Variants in ARID4B observed in about 807,000 individuals in gnomAD.
ARID4B encodes the protein AT-rich interactive domain-containing protein 4B.
In ARID4B, 26 loss-of-function variants were observed where a neutral mutation model predicts 147.5. The ratio of observed to expected loss-of-function variants is 0.18; its 90% CI spans 0.13 to 0.24. The LOEUF is 0.24. Ranked by LOEUF, ARID4B falls within the 10% of genes least tolerant of loss-of-function variation. The pLI, the probability that ARID4B is intolerant of heterozygous loss-of-function variation, is 1.00. For synonymous variants in ARID4B, 512 were observed against 507.9 expected (o/e 1.01, Z -0.11); for missense variants, 1,179 against 1,511.5 (o/e 0.78, Z 3.65).
intron 19 of ARID4B, among the ~76,000 whole-genome samples, chr1:235,193,489 T>G (rs1388514666): frequency 6.6e-6 from 1 of 152,204 alleles, no homozygotes; most frequent in African/African-American, 2.4e-5. Context: ...GGTCTGATGT[T>G]GTATAACACA....
At chr1:235,287,349 A>T (rs1484841060) in intron 2 of ARID4B, among the ~76,000 whole-genome samples, 1 of 152,108 alleles carries the variant, frequency 6.6e-6, no homozygotes, top group African/African-American at 2.4e-5. Context: ...CTACTAAACA[A>T]AGAAAAGAGA....
intron 2 of ARID4B, among the ~76,000 whole-genome samples, chr1:235,302,044 A>C (rs1673185172): frequency 6.8e-6 from 1 of 147,150 alleles, no homozygotes; most frequent in Non-Finnish European, 1.5e-5. Context: ...ATGTTGCCCA[A>C]CCTGGTCTCA....
At chr1:235,219,767 A>T in intron 16 of ARID4B, 26 bp downstream of exon 16, 1 of 1,561,110 alleles carries the variant, frequency 6.4e-7, no homozygotes, top group Non-Finnish European at 8.7e-7. Flanking sequence ...GCTGAAATGC[A>T]TCGTAACCAA....
chr1:235,200,003 GAAA>G (rs61519256), intron 17 of ARID4B, among the ~76,000 whole-genome samples: 1 of 124,532 alleles, frequency 8.0e-6, no homozygotes. Flanking sequence ...AAAGAATAGG[GAAA>G]AAAAAAAAAA....
At chr1:235,249,060 C>T (rs1038989167) in intron 6 of ARID4B, among the ~76,000 whole-genome samples, 13 of 152,228 alleles carry the variant, frequency 8.5e-5, no homozygotes, top group African/African-American at 2.4e-5. Context: ...TGGCTGGGCG[C>T]GGTGGCTCAC....
At chr1:235,203,416 C>CT (rs1450794872) in intron 17 of ARID4B, among the ~76,000 whole-genome samples, 1 of 151,976 alleles carries the variant, frequency 6.6e-6, no homozygotes, top group Non-Finnish European at 1.5e-5. Context: ...AAAGCACAGT[C>CT]TTAAGAGATT....
At chr1:235,195,722 T>C (rs1043589087) in intron 18 of ARID4B, among the ~76,000 whole-genome samples, 4 of 152,194 alleles carry the variant, frequency 2.6e-5, no homozygotes, top group African/African-American at 4.8e-5. Context: ...TAATAACCTA[T>C]GTCTCTCCAA....
intron 2 of ARID4B, among the ~76,000 whole-genome samples, chr1:235,318,168 CTTTTTTTTTTTTTTTTT>C (rs372816686): frequency 2.7e-5 from 3 of 111,988 alleles, no homozygotes; most frequent in Non-Finnish European, 5.2e-5. Flanking sequence ...CTTGCTACTC[CTTTTTTTTTTTTTTTTT>C]TTTTTTTTTG....
chr1:235,214,175 C>G (rs1666898697), intron 16 of ARID4B, 149 bp from the exon 17 acceptor site: 1 of 899,558 alleles, frequency 1.1e-6, no homozygotes, highest in Non-Finnish European at 1.6e-6. Context: ...TTTCATTTTA[C>G]TATTAAAAAC....
intron 6 of ARID4B, among the ~76,000 whole-genome samples, chr1:235,252,092 C>A (rs144902064): frequency 0.01 from 1,563 of 152,304 alleles, 25 homozygotes; most frequent in African/African-American, 0.033. Context: ...ATTCATCCAA[C>A]TAACACTTAT....
chr1:235,287,439 G>C (rs1234892170), intron 2 of ARID4B, among the ~76,000 whole-genome samples: 1 of 152,052 alleles, frequency 6.6e-6, no homozygotes, highest in Non-Finnish European at 1.5e-5. Context: ...GAGGCTACAG[G>C]GCAAGAACAG....
At chr1:235,298,106 T>A (rs1251918638) in intron 2 of ARID4B, among the ~76,000 whole-genome samples, 10 of 152,106 alleles carry the variant, frequency 6.6e-5, no homozygotes, top group Non-Finnish European at 1.3e-4. Context: ...GAAATACATA[T>A]GGGTGAAATG....
chr1:235,300,970 C>T (rs944131422), intron 2 of ARID4B, among the ~76,000 whole-genome samples: 1 of 151,918 alleles, frequency 6.6e-6, no homozygotes, highest in Non-Finnish European at 1.5e-5. Flanking sequence ...CTGCCTCGGC[C>T]TCCCAGAGTG....
chr1:235,307,888 G>C (rs61446757), intron 2 of ARID4B, among the ~76,000 whole-genome samples: 19,925 of 151,858 alleles, frequency 0.13, 1,523 homozygotes, highest in African/African-American at 0.2. Context: ...CTGGAATCTA[G>C]TGGTGCAATC....
At chr1:235,206,993 T>C (rs896274128) in intron 17 of ARID4B, among the ~76,000 whole-genome samples, 1 of 152,132 alleles carries the variant, frequency 6.6e-6, no homozygotes, top group African/African-American at 2.4e-5. Context: ...AGCAAGAAAA[T>C]GGGCCATGTC....
At position 235,274,273 on chromosome 1, in the gene ARID4B, T is replaced by C. The variant is rs918650643; in HGVS notation, c.7-13521A>G. On this transcript the variant is annotated intron_variant, in intron 2 of 23. Coordinates refer to ENST00000264183, the MANE Select transcript of ARID4B (RefSeq NM_016374.6). The stretch of plus-strand genomic sequence containing the variant: ...GTGGCTTGGGAGGCTACTTGGGAGG[T>C]TGAGGCAGAGAGAATCACTTGAGCC... Among the ~76,000 whole-genome samples the C allele has an allele frequency of 9.9e-4, 146 of 146,960 alleles. 1 individual carries two copies. Among genetic ancestry groups the C allele is most frequent in the African/African-American group, 3.6e-3 (145 of 39,928 alleles).
In ARID4B at chr1:235,177,878, C is replaced by G. The variant is rs750619430; in HGVS notation, c.3370G>C (p.Gly1124Arg). 2 of 1,611,130 alleles carry G rather than the reference C, an allele frequency of 1.2e-6. No individual in the cohort carries two copies. Among genetic ancestry groups the G allele is most frequent in the East Asian group, 4.5e-5 (2 of 44,706 alleles). The change falls in exon 21 of 24, where the codon GGA becomes CGA. Residue 1124 changes from glycine to arginine, a missense_variant. Around this residue, in one of 10 missense-constraint regions of ARID4B, gnomAD observed 357 missense variants for 427.3 expected, o/e 0.84. Coordinates refer to ENST00000264183, the MANE Select transcript of ARID4B (RefSeq NM_016374.6). ...TGCTTTTTTGATGAACTTCCTCCTC[C>G]CTGAGCATCTTTCACTCTTTTCTGA... The part of the protein sequence containing the change: ...TGQKRVKDAQ[G>R]GGSSSKKQKR...
intron 2 of ARID4B, among the ~76,000 whole-genome samples, chr1:235,302,355 A>G (rs991031855): frequency 6.7e-6 from 1 of 149,058 alleles, no homozygotes; most frequent in Non-Finnish European, 1.5e-5. Flanking sequence ...GAGGGGAGGG[A>G]AAGGAGTGGG....
chr1:235,175,410 AAG>A lies in ARID4B; in HGVS notation c.3449-13_3449-12del, dbSNP rs1663791498. Reference sequence around the variant, plus strand: ...TATCACTACTATTTGCTGAAAGAGAAAGAAAAGATTTAATAAACAAAAATGTA... The same window carrying A: ...TATCACTACTATTTGCTGAAAGAGAAAAAAGATTTAATAAACAAAAATGTA... On this transcript the variant is annotated splice_polypyrimidine_tract_variant and intron_variant, in intron 21 of 23. Transcript: ENST00000264183. The A allele has an allele frequency of 6.3e-7, 1 of 1,590,606 alleles. No homozygotes were observed. Among genetic ancestry groups the A allele is most frequent in the East Asian group, 2.2e-5 (1 of 44,778 alleles).
Sources: gnomAD v4.1 joint callset for allele counts (sites outside exome capture counted in the v4.1 genomes callset) on GRCh38, gnomAD v4.1.1 for gene constraint, gnomAD v4.1.1 regional missense constraint, MANE v1.5 for transcripts, NCBI Gene and HGNC (gene_info 2026-07-23, HGNC 2026-07-21) for gene names.